Variants in ALDH9A1 observed in about 807,000 individuals in gnomAD.
ALDH9A1 encodes the protein aldehyde dehydrogenase 9 family member A1, also known as 4-trimethylaminobutyraldehyde dehydrogenase.
Under a neutral mutation model 56.6 loss-of-function variants are expected in ALDH9A1, and 42 were observed. The ratio of observed to expected loss-of-function variants is 0.74; its 90% CI spans 0.58 to 0.96. The LOEUF (loss-of-function observed/expected upper bound fraction) is 0.96, where lower values mean the gene tolerates loss of function less well. Among genes scored for constraint, ALDH9A1 ranks in the 40% least tolerant of loss-of-function variants. ALDH9A1 has a pLI of 0.00. For synonymous variants in ALDH9A1, 242 were observed against 236.0 expected, an observed-to-expected ratio of 1.03 and a Z score of -0.23; for missense variants, 661 against 651.5, an observed-to-expected ratio of 1.01 and a Z score of -0.16.
In ALDH9A1 at chr1:165,676,573, C is replaced by T. The variant is rs112805664; in HGVS notation, c.930+2869G>A. 279 of 270,352 alleles carry T rather than the reference C, an allele frequency of 1.0e-3. 2 individuals carry two copies. The highest frequency in any genetic ancestry group is 5.7e-3 in the African/African-American group (254 of 44,200). 16.7% of individuals were successfully genotyped at this position (270,352 alleles called of 1,614,324 possible). A position where few individuals can be genotyped will look rare whatever the true frequency, so the allele number is the denominator to read the frequency against. On this transcript the variant is annotated intron_variant, in intron 6 of 10. Transcript: ENST00000354775. Reference sequence around the variant, plus strand: ...GCAAAATTCTTGCCAAGAGAATTAACGTGCACATTGAGCACATTAAGCGCT... The same window carrying T: ...GCAAAATTCTTGCCAAGAGAATTAATGTGCACATTGAGCACATTAAGCGCT...
At chr1:165,685,739 G>A (rs1238672541) in intron 2 of ALDH9A1, among the ~76,000 whole-genome samples, 1 of 152,172 alleles carries the variant, frequency 6.6e-6, no homozygotes, top group Admixed American at 6.5e-5. Flanking sequence ...TAAGGAGGGG[G>A]ACCATGGCCA....
At chr1:165,693,656 G>A (rs901719831) in intron 2 of ALDH9A1, among the ~76,000 whole-genome samples, 3 of 152,182 alleles carry the variant, frequency 2.0e-5, no homozygotes, top group African/African-American at 7.2e-5. Context: ...AGACAGTGTG[G>A]CGATTCCTCA....
chr1:165,696,454 G>A (rs932341359), intron 1 of ALDH9A1, among the ~76,000 whole-genome samples: 2 of 152,162 alleles, frequency 1.3e-5, no homozygotes, highest in East Asian at 1.9e-4. Context: ...AACTCTGACT[G>A]TAAATCCCTT....
rs187990648 is a variant in ALDH9A1 at position 165,690,667 on chromosome 1, C to T, written c.327+4585G>A. ...TCGGGACACTCCCACCCTAATACTG[C>T]GCTTTTCCAACAGTCTTAGCAAACG... On this transcript the variant is annotated intron_variant, in intron 2 of 10. Transcript: ENST00000354775. Among the ~76,000 whole-genome samples, 66 of 152,296 alleles carry T rather than the reference C, an allele frequency of 4.3e-4. No homozygotes were observed. The East Asian group carries it at 9.6e-3, about 22-fold the overall frequency.
At chr1:165,665,177 T>C in intron 9 of ALDH9A1, 47 bp from the exon 10 acceptor site, 1 of 1,497,962 alleles carries the variant, frequency 6.7e-7, no homozygotes, top group Non-Finnish European at 9.3e-7. Flanking sequence ...TTTCTTAGGC[T>C]ACTACTTTAA....
At chr1:165,688,013 G>T (rs971130831) in intron 2 of ALDH9A1, among the ~76,000 whole-genome samples, 1 of 80,220 alleles carries the variant, frequency 1.2e-5, no homozygotes, top group Non-Finnish European at 2.6e-5. Flanking sequence ...GAAAAGAAAA[G>T]AAAAGAAATT....
At chr1:165,698,278 G>A in intron 1 of ALDH9A1, 100 bp downstream of exon 1, 1 of 1,477,866 alleles carries the variant, frequency 6.8e-7, no homozygotes, top group Non-Finnish European at 8.9e-7. Context: ...ACTGTCTTGT[G>A]CTCAAGTCAA....
At chr1:165,688,926 C>T (rs763316660) in intron 2 of ALDH9A1, among the ~76,000 whole-genome samples, 1 of 151,784 alleles carries the variant, frequency 6.6e-6, no homozygotes, top group Non-Finnish European at 1.5e-5. Flanking sequence ...AAACACCACA[C>T]AGGTATCAAA....
intron 6 of ALDH9A1, among the ~76,000 whole-genome samples, chr1:165,674,685 C>CA (rs36011778): frequency 0.43 from 49,057 of 114,934 alleles, 10,045 homozygotes; most frequent in Middle Eastern, 0.49. Flanking sequence ...GACTCCGAAT[C>CA]AAAAAAAAAA....
chr1:165,693,131 A>G (rs1200570191), intron 2 of ALDH9A1, among the ~76,000 whole-genome samples: 1 of 152,170 alleles, frequency 6.6e-6, no homozygotes, highest in African/African-American at 2.4e-5. Context: ...AACCTAGGCA[A>G]TACCATTCAG....
At position 165,668,926 on chromosome 1, in the gene ALDH9A1, T is replaced by C; in HGVS notation, c.1207A>G (p.Thr403Ala). ...DGYYMRPCVL[T>A]NCRDDMTCVK... ...AAAAGCAAACAAAAAGAGGACATAC[T>C]TAATACACAAGGTCTCATGTAATAT... is the stretch of plus-strand genomic sequence containing the variant. The change falls in exon 8 of 11, where the codon ACT (threonine) becomes GCT (alanine). Residue 403 changes from threonine (T) to alanine (A), a missense_variant and splice_region_variant. By Grantham distance (58) the Thr-to-Ala change is moderately conservative. Transcript: ENST00000354775. The C allele has an allele frequency of 6.3e-7, 1 of 1,578,754 alleles. No homozygotes were observed. The highest frequency in any genetic ancestry group is 8.7e-7 in the Non-Finnish European group (1 of 1,148,454).
At chr1:165,671,037 C>A (rs775997510) in intron 6 of ALDH9A1, among the ~76,000 whole-genome samples, 10 of 152,220 alleles carry the variant, frequency 6.6e-5, no homozygotes, top group East Asian at 1.9e-4. Context: ...TCCCATTGCA[C>A]CCCAGCCTGG....
Position 165,695,308 on chromosome 1 carries a change from G to T in ALDH9A1, c.271C>A (p.Gln91Lys), listed in dbSNP as rs1347845234. Residue 91 changes from glutamine (Q) to lysine (K), a missense_variant, in exon 2 of 11, where the codon CAA becomes AAA. Gln to Lys is a moderately conservative substitution (Grantham distance 53). Coordinates refer to ENST00000354775, the MANE Select transcript of ALDH9A1 (RefSeq NM_000696.4). ...NAKAAFKIWS[Q>K]KSGMERCRIL... The stretch of plus-strand genomic sequence containing the variant: ...CGGCAACGCTCCATGCCAGATTTTT[G>T]ACTCCATATTTTAAAAGCAGCCTTT... The T allele has an allele frequency of 6.2e-7, 1 of 1,612,972 alleles. No individual in the cohort carries two copies. Among genetic ancestry groups the T allele is most frequent in the Non-Finnish European group, 8.5e-7 (1 of 1,179,470 alleles).
At chr1:165,678,806 TCAGA>T (rs1571174257) in intron 6 of ALDH9A1, among the ~76,000 whole-genome samples, 2 of 152,112 alleles carry the variant, frequency 1.3e-5, no homozygotes, top group East Asian at 3.9e-4. Context: ...ACAGAAAACA[TCAGA>T]CAGACCCAAA....
At chr1:165,693,979 A>T (rs1649980758) in intron 2 of ALDH9A1, among the ~76,000 whole-genome samples, 1 of 146,788 alleles carries the variant, frequency 6.8e-6, no homozygotes, top group South Asian at 2.1e-4. Flanking sequence ...AAAACCAAAC[A>T]CTGCATGTTC....
intron 9 of ALDH9A1, 98 bp downstream of exon 9, chr1:165,667,211 G>A: frequency 1.3e-6 from 2 of 1,490,038 alleles, no homozygotes; most frequent in Non-Finnish European, 1.8e-6. Flanking sequence ...GCTCCTATGA[G>A]GGCAAACTAA....
intron 9 of ALDH9A1, 26 bp from the exon 10 acceptor site, chr1:165,665,156 A>G: frequency 6.3e-7 from 1 of 1,588,302 alleles, no homozygotes; most frequent in Non-Finnish European, 8.6e-7. Context: ...AAATGTGTGC[A>G]TTATTGAGAG....
chr1:165,683,208 A>G (rs4233407), intron 2 of ALDH9A1, 98 bp from the exon 3 acceptor site: 860,712 of 1,267,884 alleles, frequency 0.68, 295,752 homozygotes, highest in East Asian at 0.98. Context: ...TTTAAAACTA[A>G]AAATAGCTTT....
At chr1:165,672,972 AACACAC>A (rs67363579) in intron 6 of ALDH9A1, among the ~76,000 whole-genome samples, 3,045 of 124,226 alleles carry the variant, frequency 0.025, 35 homozygotes, top group African/African-American at 0.034. Context: ...AAAAAATACA[AACACAC>A]ACACACACAC....
Sources: gnomAD v4.1 joint callset for allele counts (sites outside exome capture counted in the v4.1 genomes callset) on GRCh38, gnomAD v4.1.1 for gene constraint, MANE v1.5 for transcripts, NCBI Gene and HGNC (gene_info 2026-07-23, HGNC 2026-07-21) for gene names.